GORASP1: variants seen among roughly 807,000 people sequenced by gnomAD.
GORASP1 encodes golgi reassembly stacking protein 1, also known as Golgi reassembly-stacking protein 1.
In GORASP1, 31 loss-of-function variants were observed where a neutral mutation model predicts 37.7. The observed-to-expected ratio is 0.82, with a 90% CI of 0.62 to 1.11. GORASP1 has a LOEUF of 1.11. Among genes scored for constraint, GORASP1 ranks in the 50% least tolerant of loss-of-function variants. GORASP1 has a pLI of 0.00. For missense variants in GORASP1, 476 were observed against 560.7 expected, an observed-to-expected ratio of 0.85 and a Z score of 1.53; for synonymous variants, 204 against 224.8, an observed-to-expected ratio of 0.91 and a Z score of 0.83.
Position 39,100,370 on chromosome 3 carries a change from G to C in GORASP1, c.700C>G (p.Pro234Ala). The change falls in exon 6 of 9, where the codon CCT (proline) becomes GCT (alanine). Residue 234 changes from proline (P) to alanine (A), a missense_variant. By Grantham distance (27) the Pro-to-Ala change is conservative. Coordinates refer to ENST00000319283, the MANE Select transcript of GORASP1 (RefSeq NM_031899.4). This position sits in a 1 kb window ranked among gnomAD's most constrained non-coding sequence, Gnocchi z 4.6. ...GGAGAGTCCTCGGGGGTGGGTCCAG[G>C]TGGTAGAGCATCAGGTGGTGGGGCA... Reference protein sequence around the residue: ...LGAPPPDALPPGPTPEDSPSL... With the variant: ...LGAPPPDALPAGPTPEDSPSL... 1 of 1,614,184 alleles carries C rather than the reference G, an allele frequency of 6.2e-7. No homozygotes were observed. Among genetic ancestry groups the C allele is most frequent in the South Asian group, 1.1e-5 (1 of 91,086 alleles).
In GORASP1 at chr3:39,100,637, T is replaced by C. The variant is rs2035639015; in HGVS notation, c.566+110A>G. On this transcript the variant is annotated intron_variant, in intron 5 of 8. Transcript: ENST00000319283. This position sits in a 1 kb window ranked among gnomAD's most constrained non-coding sequence, Gnocchi z 4.6. ...AAATACCGGTCAGCCTCAGGATCCC[T>C]GGGCCCAGGGCCCAACCCTCCTCCA... is the stretch of plus-strand genomic sequence containing the variant. 21 of 1,502,490 alleles carry C rather than the reference T, an allele frequency of 1.4e-5. No individual in the cohort carries two copies. The highest frequency in any genetic ancestry group is 4.2e-5 in the Admixed American group (2 of 48,176). 93.1% of individuals were successfully genotyped at this position (1,502,490 alleles called of 1,614,324 possible). A position where few individuals can be genotyped will look rare whatever the true frequency, so the allele number is the denominator to read the frequency against.
At chr3:39,101,568 C>T (rs765887969) in intron 3 of GORASP1, 7 of 457,152 alleles carry the variant, frequency 1.5e-5, no homozygotes, top group South Asian at 3.1e-5. Context: ...TGGCTAAAGA[C>T]TCCTAGGGGT....
chr3:39,100,531 A>C lies in GORASP1; in HGVS notation c.567-28T>G. On this transcript the variant is annotated intron_variant, in intron 5 of 8. Transcript: ENST00000319283. The surrounding 1 kb of genome is among the most constrained non-coding windows in gnomAD (Gnocchi z 4.6). ...GCCGAAGGCCAGAAACATTCAATCC[A>C]GGGGCTTGTCCCACGGCCCTCCCTA... 1 of 1,539,142 alleles carries C rather than the reference A, an allele frequency of 6.5e-7. No individual in the cohort carries two copies. Among genetic ancestry groups the C allele is most frequent in the East Asian group, 2.3e-5 (1 of 44,310 alleles).
Position 39,100,888 on chromosome 3 carries a change from C to T in GORASP1, c.436-11G>A, listed in dbSNP as rs745800211. Reference sequence around the variant, plus strand: ...AAAGAAGTCCTCGGACTGTGAGAAACGCATAGCACCTGAGGCCTGCTTCCA... The same window carrying T: ...AAAGAAGTCCTCGGACTGTGAGAAATGCATAGCACCTGAGGCCTGCTTCCA... On this transcript the variant is annotated splice_polypyrimidine_tract_variant and intron_variant, in intron 4 of 8. Coordinates refer to ENST00000319283, the MANE Select transcript of GORASP1 (RefSeq NM_031899.4). This position sits in a 1 kb window ranked among gnomAD's most constrained non-coding sequence, Gnocchi z 4.6. 19 of 1,614,132 alleles carry T rather than the reference C, an allele frequency of 1.2e-5. No individual in the cohort carries two copies. Among genetic ancestry groups the T allele is most frequent in the Admixed American group, 1.2e-4 (7 of 60,010 alleles).
Position 39,103,009 on chromosome 3 carries a change from T to A in GORASP1, c.145-128A>T. On this transcript the variant is annotated intron_variant, in intron 2 of 8. Transcript: ENST00000319283. This position sits in a 1 kb window ranked among gnomAD's most constrained non-coding sequence, Gnocchi z 5.2. ...GCCCTCAGCAGGGTCACTGTGGGGA[T>A]GGGCCAAGGTAGTGGATGGGCCAGG... 1.1e-6 allele frequency: 1 copy of A among 874,406 alleles called. No homozygotes were observed. The highest frequency in any genetic ancestry group is 1.6e-5 in the African/African-American group (1 of 61,172). 54.2% of individuals were successfully genotyped at this position (874,406 alleles called of 1,614,324 possible). A position where few individuals can be genotyped will look rare whatever the true frequency, so the allele number is the denominator to read the frequency against.
chr3:39,103,226 C>G lies in GORASP1; in HGVS notation c.144+247G>C, dbSNP rs934743528. ...TATCCCTCATGCCCCAGGAGGCAGGCCCCTTGGGCCTTGTTGCCACCTCCA... is the reference window on the plus strand; with the variant it reads ...TATCCCTCATGCCCCAGGAGGCAGGGCCCTTGGGCCTTGTTGCCACCTCCA... On this transcript the variant is annotated intron_variant, in intron 2 of 8. Coordinates refer to ENST00000319283, the MANE Select transcript of GORASP1 (RefSeq NM_031899.4). The surrounding 1 kb of genome is among the most constrained non-coding windows in gnomAD (Gnocchi z 5.2). The G allele has an allele frequency of 1.9e-5, 11 of 586,980 alleles. No individual in the cohort carries two copies. The highest frequency in any genetic ancestry group is 3.0e-5 in the Non-Finnish European group (10 of 330,094). 36.4% of individuals were successfully genotyped at this position (586,980 alleles called of 1,614,324 possible).
chr3:39,106,880 C>G (rs1322189634), intron 1 of GORASP1: 1 of 291,806 alleles, frequency 3.4e-6, no homozygotes, highest in Non-Finnish European at 7.1e-6. Flanking sequence ...CCCTCCCCAG[C>G]TGCAAACGCT....
In GORASP1 at chr3:39,103,872, G is replaced by A; in HGVS notation, c.64-319C>T. The A allele has an allele frequency of 3.3e-6, 1 of 298,554 alleles. No homozygotes were observed. The highest frequency in any genetic ancestry group is 6.2e-6 in the Non-Finnish European group (1 of 160,686). The allele number at this position is 298,554 out of a possible 1,614,324, so 18.5% of individuals were successfully genotyped here. A position where few individuals can be genotyped will look rare whatever the true frequency, so the allele number is the denominator to read the frequency against. ...GCTGGCCCAGGCCTGTGGGAATGCT[G>A]CTCTAGAGGGCTAGGCTAGGGTTGG... On this transcript the variant is annotated intron_variant, in intron 1 of 8. Coordinates refer to ENST00000319283, the MANE Select transcript of GORASP1 (RefSeq NM_031899.4). This position sits in a 1 kb window ranked among gnomAD's most constrained non-coding sequence, Gnocchi z 5.2.
Position 39,103,771 on chromosome 3 carries a change from G to T in GORASP1, c.64-218C>A. The stretch of plus-strand genomic sequence containing the variant: ...AGGAAAATGGCTCCTTCCTGATTAT[G>T]ATCCACAGATGCTTTCAGAAATGGC... On this transcript the variant is annotated intron_variant, in intron 1 of 8. Coordinates refer to ENST00000319283, the MANE Select transcript of GORASP1 (RefSeq NM_031899.4). This position sits in a 1 kb window ranked among gnomAD's most constrained non-coding sequence, Gnocchi z 5.2. 6.2e-6 allele frequency: 3 copies of T among 482,504 alleles called. No individual in the cohort carries two copies. The highest frequency in any genetic ancestry group is 1.1e-5 in the Non-Finnish European group (3 of 272,960). The allele number at this position is 482,504 out of a possible 1,614,324, so 29.9% of individuals were successfully genotyped here. A position where few individuals can be genotyped will look rare whatever the true frequency, so the allele number is the denominator to read the frequency against.
Position 39,098,367 on chromosome 3 carries a change from G to A in GORASP1, c.1192C>T (p.Pro398Ser), listed in dbSNP as rs373234474. Residue 398 changes from proline (P) to serine (S), a missense_variant, in exon 9 of 9, where the codon CCA (proline) becomes TCA (serine). Coordinates refer to ENST00000319283, the MANE Select transcript of GORASP1 (RefSeq NM_031899.4). The surrounding 1 kb of genome is among the most constrained non-coding windows in gnomAD (Gnocchi z 4.7). ...LPDSLTSAASPEDGLSAELLE... is the reference protein window; with the variant it reads ...LPDSLTSAASSEDGLSAELLE... ...AGCTCGGCGGACAGCCCATCTTCTG[G>A]TGAGGCTGCAGAGGTGAGACTGTCA... The A allele has an allele frequency of 3.1e-6, 5 of 1,614,178 alleles. No homozygotes were observed. The highest frequency in any genetic ancestry group is 1.1e-5 in the South Asian group (1 of 91,080).
In GORASP1 at chr3:39,107,577, G is replaced by A; in HGVS notation, c.-36C>T. ...CCGCTCGGCACCCAGGTCCAGTCCC[G>A]CTGCGCCTACCCGGACCGACCCGAC... On this transcript the variant is annotated 5_prime_UTR_variant, in exon 1 of 9. Coordinates refer to ENST00000319283, the MANE Select transcript of GORASP1 (RefSeq NM_031899.4). The A allele has an allele frequency of 6.8e-7, 1 of 1,481,216 alleles. No individual in the cohort carries two copies. The highest frequency in any genetic ancestry group is 8.9e-7 in the Non-Finnish European group (1 of 1,123,050). 91.8% of individuals were successfully genotyped at this position (1,481,216 alleles called of 1,614,324 possible).
Position 39,100,818 on chromosome 3 carries a change from C to T in GORASP1, c.495G>A (p.Val165=), listed in dbSNP as rs781127547. Residue 165 remains valine, a synonymous_variant, in exon 5 of 9, where the codon GTG becomes GTA. Transcript: ENST00000319283. The surrounding 1 kb of genome is among the most constrained non-coding windows in gnomAD (Gnocchi z 4.6). ...SHEGKPLKLM[V]YNSKSDSCRE... is the part of the protein sequence containing the mutation. Reference sequence around the variant, plus strand: ...GGCAGGAGTCTGACTTGGAGTTATACACCATCAGCTTCAAGGGCTTCCCCT... The same window carrying T: ...GGCAGGAGTCTGACTTGGAGTTATATACCATCAGCTTCAAGGGCTTCCCCT... 1.2e-6 allele frequency: 2 copies of T among 1,614,172 alleles called. No homozygotes were observed. Among genetic ancestry groups the T allele is most frequent in the Non-Finnish European group, 1.7e-6 (2 of 1,180,014 alleles).
Position 39,107,585 on chromosome 3 carries a change from T to G in GORASP1, c.-44A>C. 1 of 1,473,878 alleles carries G rather than the reference T, an allele frequency of 6.8e-7. No homozygotes were observed. The highest frequency in any genetic ancestry group is 1.4e-5 in the African/African-American group (1 of 70,368). 91.3% of individuals were successfully genotyped at this position (1,473,878 alleles called of 1,614,324 possible). On this transcript the variant is annotated 5_prime_UTR_variant, in exon 1 of 9. Coordinates refer to ENST00000319283, the MANE Select transcript of GORASP1 (RefSeq NM_031899.4). The stretch of plus-strand genomic sequence containing the variant: ...CACCCAGGTCCAGTCCCGCTGCGCC[T>G]ACCCGGACCGACCCGACGCCAGTAG...
chr3:39,100,460 T>G lies in GORASP1; in HGVS notation c.610A>C (p.Thr204Pro). The G allele has an allele frequency of 6.2e-7, 1 of 1,604,072 alleles. No individual in the cohort carries two copies. The highest frequency in any genetic ancestry group is 8.5e-7 in the Non-Finnish European group (1 of 1,175,028). Residue 204 changes from threonine to proline, a missense_variant, in exon 6 of 9, where the codon ACT (threonine) becomes CCT (proline). Physicochemically the swap from Thr to Pro is conservative, Grantham distance 38. Coordinates refer to ENST00000319283, the MANE Select transcript of GORASP1 (RefSeq NM_031899.4). This position sits in a 1 kb window ranked among gnomAD's most constrained non-coding sequence, Gnocchi z 4.6. ...TTCTTGTGGTAGCTGGGGGGCTGAG[T>G]TGGGATCCGGTGTAGATACCCATAG... ...IGYGYLHRIP[T>P]QPPSYHKKPP...
At position 39,098,398 on chromosome 3, in the gene GORASP1, A is replaced by T; in HGVS notation, c.1161T>A (p.Thr387=). Residue 387 remains threonine (T), a synonymous_variant, in exon 9 of 9, where the codon ACT becomes ACA. Coordinates refer to ENST00000319283, the MANE Select transcript of GORASP1 (RefSeq NM_031899.4). This position sits in a 1 kb window ranked among gnomAD's most constrained non-coding sequence, Gnocchi z 4.7. The part of the protein sequence containing the change: ...QAQADHLPQL[T]LPDSLTSAAS... ...CTGCAGAGGTGAGACTGTCAGGAAGAGTCAGCTGAGGCAGGTGGTCCGCCT... is the reference window on the plus strand; with the variant it reads ...CTGCAGAGGTGAGACTGTCAGGAAGTGTCAGCTGAGGCAGGTGGTCCGCCT... 2 of 1,614,164 alleles carry T rather than the reference A, an allele frequency of 1.2e-6. No homozygotes were observed.
intron 1 of GORASP1, among the ~76,000 whole-genome samples, chr3:39,106,635 AG>A (rs1325477892): frequency 3.3e-5 from 5 of 152,086 alleles, no homozygotes; most frequent in African/African-American, 1.2e-4. Context: ...GCCTTTCACT[AG>A]GGAAAGGGGG....
At chr3:39,107,338 G>T in intron 1 of GORASP1, 141 bp downstream of exon 1, 1 of 502,928 alleles carries the variant, frequency 2.0e-6, no homozygotes, top group East Asian at 4.1e-5. Context: ...CTCCCACCGG[G>T]CAGGGGGCAC....
chr3:39,107,518 C>T lies in GORASP1; in HGVS notation c.24G>A (p.Glu8=). ...AGCCCTCGGCGCCGCCTGCGGGCTG[C>T]TCAGCGCTGACGCCCAGGCCCATGG... The part of the protein sequence containing the change: MGLGVSA[E]QPAGGAEGFH... Residue 8 remains glutamate, a synonymous_variant, in exon 1 of 9, where the codon GAG becomes GAA. Transcript: ENST00000319283. 1 of 1,496,244 alleles carries T rather than the reference C, an allele frequency of 6.7e-7. No homozygotes were observed. The highest frequency in any genetic ancestry group is 8.8e-7 in the Non-Finnish European group (1 of 1,133,716). The allele number at this position is 1,496,244 out of a possible 1,614,324, so 92.7% of individuals were successfully genotyped here. A position where few individuals can be genotyped will look rare whatever the true frequency, so the allele number is the denominator to read the frequency against.
intron 1 of GORASP1, 42 bp downstream of exon 1, chr3:39,107,436 CG>C: frequency 8.0e-7 from 1 of 1,250,570 alleles, no homozygotes; most frequent in South Asian, 2.7e-5. Flanking sequence ...CGCGGGGTTG[CG>C]GGCGCCTCGC....
Sources: allele counts gnomAD v4.1 joint callset (sites outside exome capture counted in the v4.1 genomes callset), GRCh38; gene constraint gnomAD v4.1.1; non-coding constraint Gnocchi (gnomAD v3.1); transcripts MANE v1.5; gene names NCBI Gene and HGNC (gene_info 2026-07-23, HGNC 2026-07-21).